The following DOCK1 variants were observed in gnomAD, a reference collection of about 807,000 sequenced individuals.
DOCK1 encodes dedicator of cytokinesis 1, also known as dedicator of cytokinesis protein 1.
In DOCK1, 138 loss-of-function variants were observed where a neutral mutation model predicts 262.7. The observed-to-expected ratio is 0.53, with a 90% CI of 0.46 to 0.61. DOCK1 has a LOEUF of 0.61. Ranked by LOEUF, DOCK1 falls within the 20% of genes least tolerant of loss-of-function variation. DOCK1 has a pLI of 0.00. For synonymous variants in DOCK1, 866 were observed against 867.4 expected (o/e 1.00, Z 0.03); for missense variants, 1,908 against 2,370.7 (o/e 0.80, Z 4.05).
At chr10:127,209,741 T>C (rs1303345830) in intron 27 of DOCK1, among the ~76,000 whole-genome samples, 2 of 152,124 alleles carry the variant, frequency 1.3e-5, no homozygotes, top group Non-Finnish European at 2.9e-5. Context: ...AATCAACATG[T>C]CCCACAAATG....
chr10:126,968,406 C>CT (rs2037839492), intron 1 of DOCK1, among the ~76,000 whole-genome samples: 1 of 151,900 alleles, frequency 6.6e-6, no homozygotes, highest in Admixed American at 6.6e-5. Context: ...CCCTGAGGCT[C>CT]TTTTTTTTCT....
chr10:127,285,755 G>A lies in DOCK1; in HGVS notation c.3044+28326G>A, dbSNP rs77223918. Among the ~76,000 whole-genome samples, 438 of 152,334 alleles carry A rather than the reference G, an allele frequency of 2.9e-3. 10 individuals are homozygous for A. In the East Asian group the frequency reaches 0.072, roughly 25 times the overall value. On this transcript the variant is annotated intron_variant, in intron 29 of 51. Coordinates refer to ENST00000623213, the MANE Select transcript of DOCK1 (RefSeq NM_001290223.2). Reference sequence around the variant, plus strand: ...TGCTGGCCAGTGGGAAGATTTGGAGGATTTGAGGATACTCTTCAGAGTGTG... The same window carrying A: ...TGCTGGCCAGTGGGAAGATTTGGAGAATTTGAGGATACTCTTCAGAGTGTG...
chr10:127,332,635 A>G (rs1200213372), intron 29 of DOCK1, among the ~76,000 whole-genome samples: 2 of 152,096 alleles, frequency 1.3e-5, no homozygotes, highest in African/African-American at 4.8e-5. Flanking sequence ...CCGTTTCCCA[A>G]ATCCCAAAGA....
At chr10:127,220,942 A>G (rs1437619523) in intron 27 of DOCK1, among the ~76,000 whole-genome samples, 1 of 152,214 alleles carries the variant, frequency 6.6e-6, no homozygotes, top group Non-Finnish European at 1.5e-5. Context: ...GCATCCTCAG[A>G]ATAGCAGCTG....
intron 5 of DOCK1, chr10:126,988,201 T>G (rs1252663099): frequency 6.6e-6 from 1 of 152,210 alleles, no homozygotes; most frequent in Non-Finnish European, 1.5e-5. Context: ...AGCTCTGACA[T>G]CTTCCATTTC....
chr10:127,441,780 C>T (rs910611298), intron 49 of DOCK1, among the ~76,000 whole-genome samples: 1 of 151,340 alleles, frequency 6.6e-6, no homozygotes, highest in African/African-American at 2.4e-5. Flanking sequence ...GGTTTTCCCT[C>T]CTCACCCCTG....
At chr10:127,444,398 A>G in intron 50 of DOCK1, 119 bp downstream of exon 50, 1 of 1,280,598 alleles carries the variant, frequency 7.8e-7, no homozygotes, top group Non-Finnish European at 1.0e-6. Context: ...GGGAGTTTAG[A>G]TAAACACCTG....
At chr10:127,017,799 A>G (rs2042116247) in intron 12 of DOCK1, among the ~76,000 whole-genome samples, 1 of 127,452 alleles carries the variant, frequency 7.8e-6, no homozygotes, top group Admixed American at 7.9e-5. Flanking sequence ...CATGGGGGGA[A>G]AAGATGCCGT....
intron 27 of DOCK1, among the ~76,000 whole-genome samples, chr10:127,185,765 C>T (rs1214997762): frequency 2.0e-5 from 3 of 152,090 alleles, no homozygotes. Context: ...GCATGACTAC[C>T]TTGAGTGGTT....
chr10:126,988,764 C>T (rs2039586383), intron 5 of DOCK1, among the ~76,000 whole-genome samples: 5 of 152,094 alleles, frequency 3.3e-5, no homozygotes, highest in Admixed American at 2.6e-4. Context: ...AAGCTAACCC[C>T]CAAAATGGCT....
chr10:126,980,583 G>A (rs1199033407), intron 3 of DOCK1, among the ~76,000 whole-genome samples: 1 of 152,082 alleles, frequency 6.6e-6, no homozygotes, highest in African/African-American at 2.4e-5. Flanking sequence ...ATGGAATTTG[G>A]CCACTTTCCT....
chr10:127,134,531 C>T (rs564544297), intron 27 of DOCK1, among the ~76,000 whole-genome samples: 1 of 152,298 alleles, frequency 6.6e-6, no homozygotes. Flanking sequence ...ACTTCTGCTT[C>T]TTGGAAGTGA....
chr10:127,046,353 T>G (rs1458721643), intron 21 of DOCK1, among the ~76,000 whole-genome samples: 1 of 152,192 alleles, frequency 6.6e-6, no homozygotes, highest in Admixed American at 6.5e-5. Context: ...ACTTCGCCTC[T>G]TCAGAACAGC....
At position 127,433,296 on chromosome 10, in the gene DOCK1, A is replaced by G. The variant is rs1451999504; in HGVS notation, c.4928A>G (p.Asp1643Gly). Residue 1643 changes from aspartate to glycine, a missense_variant, in exon 48 of 52, where the codon GAT becomes GGT. Around this residue, in one of 9 missense-constraint regions of DOCK1, gnomAD observed 383 missense variants for 420.1 expected, o/e 0.91. Coordinates refer to ENST00000623213, the MANE Select transcript of DOCK1 (RefSeq NM_001290223.2). Reference protein sequence around the residue: ...YGVRIMPSSLDDRRGSRPRSM... With the variant: ...YGVRIMPSSLGDRRGSRPRSM... ...TCTCGCTCTCAGCCCTCAAGTCTGG[A>G]TGATAGAAGAGGCAGCCGCCCCCGG... is the stretch of plus-strand genomic sequence containing the variant. 1 of 1,613,832 alleles carries G rather than the reference A, an allele frequency of 6.2e-7. No homozygotes were observed. Among genetic ancestry groups the G allele is most frequent in the African/African-American group, 1.3e-5 (1 of 74,906 alleles).
chr10:127,191,840 G>A (rs2056779066), intron 27 of DOCK1, among the ~76,000 whole-genome samples: 1 of 152,172 alleles, frequency 6.6e-6, no homozygotes, highest in Admixed American at 6.5e-5. Context: ...CCTGCTTTGG[G>A]ATATAGCTGT....
intron 12 of DOCK1, among the ~76,000 whole-genome samples, chr10:127,018,006 A>G (rs910736839): frequency 1.3e-5 from 2 of 152,062 alleles, no homozygotes; most frequent in African/African-American, 4.8e-5. Flanking sequence ...CATAGACCCC[A>G]CCGGGTTTAC....
intron 29 of DOCK1, among the ~76,000 whole-genome samples, chr10:127,273,550 T>C (rs1441174887): frequency 1.3e-5 from 2 of 152,214 alleles, no homozygotes; most frequent in Admixed American, 1.3e-4. Context: ...CTCATTGCCA[T>C]CTGATGCTGT....
chr10:126,945,862 T>C (rs1418163333), intron 1 of DOCK1, among the ~76,000 whole-genome samples: 1 of 151,906 alleles, frequency 6.6e-6, no homozygotes, highest in Non-Finnish European at 1.5e-5. Context: ...GAGCAGGGGG[T>C]TTTGGGCACA....
intron 1 of DOCK1, among the ~76,000 whole-genome samples, chr10:126,929,270 C>T (rs2034004914): frequency 1.3e-5 from 2 of 152,320 alleles, no homozygotes; most frequent in Non-Finnish European, 2.9e-5. Flanking sequence ...TTACCTCACC[C>T]TCTATGCTTT....
Sources: gnomAD v4.1 joint callset for allele counts (sites outside exome capture counted in the v4.1 genomes callset) on GRCh38, gnomAD v4.1.1 for gene constraint, gnomAD v4.1.1 regional missense constraint, MANE v1.5 for transcripts, NCBI Gene and HGNC (gene_info 2026-07-23, HGNC 2026-07-21) for gene names.